Variants in CTNNA3 observed in about 807,000 individuals in gnomAD.
CTNNA3 encodes the protein catenin alpha 3.
In CTNNA3, 76 loss-of-function variants were observed where a neutral mutation model predicts 95.7. The observed-to-expected ratio is 0.79, with a 90% CI of 0.66 to 0.96. CTNNA3 has a LOEUF of 0.96. Ranked by LOEUF, CTNNA3 falls within the 40% of genes least tolerant of loss-of-function variation. The pLI is 0.00. For synonymous variants in CTNNA3, 431 were observed against 374.4 expected, an observed-to-expected ratio of 1.15 and a Z score of -1.74; for missense variants, 1,191 against 1,089.8, an observed-to-expected ratio of 1.09 and a Z score of -1.31.
At chr10:66,592,452 C>T (rs1342903978) in intron 10 of CTNNA3, among the ~76,000 whole-genome samples, 1 of 152,098 alleles carries the variant, frequency 6.6e-6, no homozygotes, top group Non-Finnish European at 1.5e-5. Flanking sequence ...ATTGTACTAA[C>T]ATCCAACCTC....
In CTNNA3 at chr10:65,919,464, G is replaced by A. The variant is rs1488375421; in HGVS notation, c.*866C>T. ...TGTATTTTTATGTTTGTAAAAATAGGGTCATACAGAACTTACACTTCTGTT... is the reference window on the plus strand; with the variant it reads ...TGTATTTTTATGTTTGTAAAAATAGAGTCATACAGAACTTACACTTCTGTT... On this transcript the variant is annotated 3_prime_UTR_variant, in exon 18 of 18. Transcript: ENST00000433211. 1 of 152,030 alleles carries A rather than the reference G, an allele frequency of 6.6e-6. No homozygotes were observed. Among genetic ancestry groups the A allele is most frequent in the Non-Finnish European group, 1.5e-5 (1 of 67,988 alleles). 9.4% of individuals were successfully genotyped at this position (152,030 alleles called of 1,614,324 possible).
At chr10:67,003,932 T>C (rs1392742366) in intron 7 of CTNNA3, among the ~76,000 whole-genome samples, 1 of 152,226 alleles carries the variant, frequency 6.6e-6, no homozygotes, top group Non-Finnish European at 1.5e-5. Context: ...TGTTTTTTAT[T>C]GCATGAGTAA....
chr10:67,617,884 G>A (rs1318229364), intron 2 of CTNNA3, among the ~76,000 whole-genome samples: 1 of 150,782 alleles, frequency 6.6e-6, no homozygotes, highest in Admixed American at 6.6e-5. Context: ...TTTCTCATAT[G>A]CTTGTTGGAA....
chr10:66,661,007 A>G (rs1315986056), intron 9 of CTNNA3, among the ~76,000 whole-genome samples: 1 of 152,156 alleles, frequency 6.6e-6, no homozygotes, highest in African/African-American at 2.4e-5. Context: ...AGTTTGGTAT[A>G]TTAAGTGCTC....
chr10:66,102,868 A>G (rs749334816), intron 14 of CTNNA3, among the ~76,000 whole-genome samples: 1 of 152,108 alleles, frequency 6.6e-6, no homozygotes, highest in Non-Finnish European at 1.5e-5. Context: ...GTCTAAGCAA[A>G]CATGTACATA....
intron 2 of CTNNA3, among the ~76,000 whole-genome samples, chr10:67,629,151 C>G (rs2133430564): frequency 6.6e-6 from 1 of 151,910 alleles, no homozygotes; most frequent in East Asian, 1.9e-4. Flanking sequence ...GTTTTGTTCT[C>G]CAGAGTTAAA....
rs780716478 is a variant in CTNNA3, at chr10:66,957,443, CATATATATATATGCAT to C, written c.1048-181935_1048-181920del. 0.018 allele frequency among the ~76,000 whole-genome samples: 401 copies of C among 22,090 alleles called. 17 individuals carry two copies. In the Middle Eastern group the frequency reaches 0.22, roughly 12 times the overall value. 14.5% of individuals were successfully genotyped at this position (22,090 alleles called of 152,430 possible). ...ATATATATATGCATATATATATATG[CATATATATATATGCAT>C]ATATATATATGTTTGATCCTGAAGG... On this transcript the variant is annotated intron_variant, in intron 7 of 17. Coordinates refer to ENST00000433211, the MANE Select transcript of CTNNA3 (RefSeq NM_013266.4).
intron 11 of CTNNA3, among the ~76,000 whole-genome samples, chr10:66,465,561 C>T (rs1294563157): frequency 6.6e-6 from 1 of 152,056 alleles, no homozygotes; most frequent in Non-Finnish European, 1.5e-5. Context: ...TTTTTACTTC[C>T]TTGCCTCTGC....
At chr10:66,387,296 A>T (rs1025189408) in intron 11 of CTNNA3, among the ~76,000 whole-genome samples, 1 of 152,224 alleles carries the variant, frequency 6.6e-6, no homozygotes, top group Non-Finnish European at 1.5e-5. Flanking sequence ...ATATGAACAG[A>T]CACTTCTCAA....
intron 13 of CTNNA3, among the ~76,000 whole-genome samples, chr10:66,142,092 A>T (rs2083647723): frequency 6.6e-6 from 1 of 152,114 alleles, no homozygotes; most frequent in African/African-American, 2.4e-5. Context: ...AAAGCTGTTT[A>T]CCTAGATTTT....
intron 5 of CTNNA3, among the ~76,000 whole-genome samples, chr10:67,364,795 C>T (rs192348352): frequency 1.3e-5 from 2 of 152,292 alleles, no homozygotes; most frequent in Admixed American, 1.3e-4. Context: ...AATGGCCATA[C>T]TGCCCAAGGT....
chr10:67,027,436 C>T (rs376823773), intron 7 of CTNNA3, among the ~76,000 whole-genome samples: 6 of 134,348 alleles, frequency 4.5e-5, no homozygotes, highest in South Asian at 4.7e-4. Context: ...TCTTTCATGA[C>T]TTTTTTTTTT....
rs1303821961 is a variant in CTNNA3, at chr10:65,944,848, ATATCTGTC to A, written c.2400+21756_2400+21763del. On this transcript the variant is annotated intron_variant, in intron 17 of 17. Coordinates refer to ENST00000433211, the MANE Select transcript of CTNNA3 (RefSeq NM_013266.4). ...AAGAAGTATAGTAACAAACAAGAAAATATCTGTCTATCTATCTATCTATCTATCTATCT... is the reference window on the plus strand; with the variant it reads ...AAGAAGTATAGTAACAAACAAGAAAATATCTATCTATCTATCTATCTATCT... Among the ~76,000 whole-genome samples the A allele has an allele frequency of 3.1e-3, 408 of 132,708 alleles. 1 individual carries two copies. Among genetic ancestry groups the A allele is most frequent in the African/African-American group, 5.1e-3 (170 of 33,464 alleles). 87.1% of individuals were successfully genotyped at this position (132,708 alleles called of 152,430 possible).
At chr10:66,403,954 G>A (rs1238472832) in intron 11 of CTNNA3, among the ~76,000 whole-genome samples, 5 of 152,142 alleles carry the variant, frequency 3.3e-5, no homozygotes, top group Non-Finnish European at 7.3e-5. Flanking sequence ...TTGTAAGACT[G>A]AGAGGCCACA....
intron 9 of CTNNA3, among the ~76,000 whole-genome samples, chr10:66,686,604 C>G (rs10740254): frequency 0.55 from 84,286 of 152,088 alleles, 24,111 homozygotes; most frequent in African/African-American, 0.68. Context: ...TCTCTTTGAA[C>G]CAGTGATTGC....
At chr10:67,125,850 C>A (rs1859699776) in intron 7 of CTNNA3, among the ~76,000 whole-genome samples, 1 of 152,030 alleles carries the variant, frequency 6.6e-6, no homozygotes, top group Non-Finnish European at 1.5e-5. Flanking sequence ...TCATATATCA[C>A]AACCCTTGAA....
intron 3 of CTNNA3, among the ~76,000 whole-genome samples, chr10:67,560,026 G>C (rs1223080358): frequency 6.6e-6 from 1 of 152,180 alleles, no homozygotes; most frequent in Non-Finnish European, 1.5e-5. Flanking sequence ...GTACCTGAAA[G>C]TGATGGGGAG....
At chr10:67,450,545 C>T (rs1589302331) in intron 5 of CTNNA3, among the ~76,000 whole-genome samples, 1 of 152,178 alleles carries the variant, frequency 6.6e-6, no homozygotes, top group Middle Eastern at 3.4e-3. Flanking sequence ...AAATCAAATA[C>T]CACATGTTCT....
At chr10:66,774,285 G>A (rs1285559232) in intron 8 of CTNNA3, among the ~76,000 whole-genome samples, 2 of 152,100 alleles carry the variant, frequency 1.3e-5, no homozygotes, top group African/African-American at 2.4e-5. Flanking sequence ...ATCATTCCAC[G>A]AAAGGGGAGG....
Sources: allele counts gnomAD v4.1 joint callset (sites outside exome capture counted in the v4.1 genomes callset), GRCh38; gene constraint gnomAD v4.1.1; transcripts MANE v1.5; gene names NCBI Gene and HGNC (gene_info 2026-07-23, HGNC 2026-07-21).